Variants in ERCC6L2 observed in about 807,000 individuals in gnomAD.
ERCC6L2 encodes the protein ERCC excision repair 6 like 2.
Under a neutral mutation model 132.0 loss-of-function variants are expected in ERCC6L2, and 77 were observed. That is an observed-to-expected ratio of 0.58 (90% confidence interval 0.49 to 0.71). The LOEUF is 0.71. Among genes scored for constraint, ERCC6L2 ranks in the 30% least tolerant of loss-of-function variants. ERCC6L2 has a pLI of 0.00. For synonymous variants in ERCC6L2, 583 were observed against 632.4 expected (o/e 0.92, Z 1.17); for missense variants, 1,542 against 1,837.6 (o/e 0.84, Z 2.94).
At chr9:95,951,601 A>G (rs1367228956) in intron 12 of ERCC6L2, among the ~76,000 whole-genome samples, 3 of 152,172 alleles carry the variant, frequency 2.0e-5, no homozygotes. Flanking sequence ...ATTAACATCA[A>G]AAATGAAAGG....
At position 96,015,954 on chromosome 9, in the gene ERCC6L2, G is replaced by A. The variant is rs1446661466; in HGVS notation, c.*2751G>A. Among the ~76,000 whole-genome samples, 1 of 152,170 alleles carries A rather than the reference G, an allele frequency of 6.6e-6. No homozygotes were observed. The highest frequency in any genetic ancestry group is 1.9e-4 in the East Asian group (1 of 5,188). On this transcript the variant is annotated 3_prime_UTR_variant, in exon 19 of 19. Transcript: ENST00000653738. ...TGGAATGCAGAGTCCAGTATGAAAA[G>A]GAGCCTGTTTCAGAACGGAAACTGT...
At chr9:95,965,267 G>A (rs978091006) in intron 13 of ERCC6L2, among the ~76,000 whole-genome samples, 3 of 152,084 alleles carry the variant, frequency 2.0e-5, no homozygotes, top group African/African-American at 7.2e-5. Context: ...GCAGCTGTGA[G>A]CAAGTCACTT....
chr9:96,011,271 G>A (rs1834018731), intron 18 of ERCC6L2, among the ~76,000 whole-genome samples: 1 of 152,222 alleles, frequency 6.6e-6, no homozygotes, highest in Non-Finnish European at 1.5e-5. Flanking sequence ...ATGGCAGAGA[G>A]GAAGAGACAG....
downstream of ERCC6L2, among the ~76,000 whole-genome samples, chr9:96,018,851 T>G (rs1459504523): frequency 6.6e-6 from 1 of 152,250 alleles, no homozygotes; most frequent in Non-Finnish European, 1.5e-5. Flanking sequence ...ATGATACCTT[T>G]CTGCCATGGA....
chr9:95,954,862 G>C (rs772993986), intron 12 of ERCC6L2: 1 of 471,158 alleles, frequency 2.1e-6, no homozygotes. Flanking sequence ...TCCTGCTGGA[G>C]ATGTGAGATT....
chr9:95,928,173 C>G (rs1830181130), intron 10 of ERCC6L2, 23 bp downstream of exon 10: 2 of 1,541,626 alleles, frequency 1.3e-6, no homozygotes, highest in Non-Finnish European at 9.0e-7. Flanking sequence ...AAAGTATATC[C>G]TTGATTGGCC....
intron 18 of ERCC6L2, among the ~76,000 whole-genome samples, chr9:96,011,738 A>G (rs192304286): frequency 4.6e-5 from 7 of 152,308 alleles, no homozygotes; most frequent in Non-Finnish European, 8.8e-5. Flanking sequence ...TGCGATTTCT[A>G]TGTTGTATTT....
intron 2 of ERCC6L2, among the ~76,000 whole-genome samples, chr9:95,882,258 A>G (rs1340690188): frequency 6.6e-6 from 1 of 152,204 alleles, no homozygotes; most frequent in Admixed American, 6.5e-5. Flanking sequence ...CACTTTTGTC[A>G]CATTCTTCTC....
At chr9:95,884,824 T>C (rs1827779413) in intron 2 of ERCC6L2, among the ~76,000 whole-genome samples, 2 of 152,174 alleles carry the variant, frequency 1.3e-5, no homozygotes, top group Non-Finnish European at 2.9e-5. Flanking sequence ...TTAAGAAATA[T>C]GGCTTCGAAA....
chr9:95,925,039 A>G (rs914450257), intron 9 of ERCC6L2, among the ~76,000 whole-genome samples: 2 of 152,188 alleles, frequency 1.3e-5, no homozygotes, highest in African/African-American at 4.8e-5. Flanking sequence ...TAAGAACTCT[A>G]AGAATTGAGT....
intron 4 of ERCC6L2, among the ~76,000 whole-genome samples, chr9:95,910,658 G>A (rs1328862339): frequency 6.6e-6 from 1 of 151,992 alleles, no homozygotes; most frequent in East Asian, 1.9e-4. Context: ...CCTCTTATTT[G>A]GGTATTTAGA....
intron 17 of ERCC6L2, among the ~76,000 whole-genome samples, chr9:95,993,945 G>T (rs1277178803): frequency 6.6e-6 from 1 of 152,140 alleles, no homozygotes; most frequent in African/African-American, 2.4e-5. Context: ...ATTTGTGGTG[G>T]ATCCTCTGAC....
intron 2 of ERCC6L2, among the ~76,000 whole-genome samples, chr9:95,882,836 G>C (rs1458711341): frequency 1.3e-5 from 2 of 152,148 alleles, no homozygotes; most frequent in Non-Finnish European, 1.5e-5. Context: ...CTAAATGATT[G>C]TTTGTGGAAT....
At chr9:96,027,660 T>G (rs923283677) in intron 19 of ERCC6L2, 1 of 152,404 alleles carries the variant, frequency 6.6e-6, no homozygotes, top group South Asian at 2.0e-4. Context: ...CCACTCCACA[T>G]GCACCTTCTC....
intron 9 of ERCC6L2, among the ~76,000 whole-genome samples, chr9:95,925,819 G>A (rs1286663698): frequency 1.3e-5 from 2 of 149,674 alleles, no homozygotes; most frequent in African/African-American, 5.0e-5. Context: ...ACCACAGACT[G>A]GGAGAAAATA....
intron 17 of ERCC6L2, among the ~76,000 whole-genome samples, chr9:95,983,644 A>G (rs1037941774): frequency 3.3e-5 from 5 of 152,190 alleles, no homozygotes; most frequent in Non-Finnish European, 5.9e-5. Flanking sequence ...CCCTAATGGA[A>G]ACACCTATTG....
At chr9:95,961,282 T>C (rs1475522600) in intron 13 of ERCC6L2, among the ~76,000 whole-genome samples, 3 of 151,994 alleles carry the variant, frequency 2.0e-5, no homozygotes. Context: ...GAAATTTGGA[T>C]ACAGACAGCC....
chr9:95,983,561 T>TA (rs989423917), intron 17 of ERCC6L2, among the ~76,000 whole-genome samples: 16 of 152,222 alleles, frequency 1.1e-4, no homozygotes, highest in African/African-American at 3.6e-4. Context: ...TAAAGAATGT[T>TA]ACGCACTTAA....
At chr9:95,916,764 C>T (rs915389654) in intron 6 of ERCC6L2, among the ~76,000 whole-genome samples, 2 of 150,890 alleles carry the variant, frequency 1.3e-5, no homozygotes, top group Non-Finnish European at 1.5e-5. Context: ...CTCACTGCAA[C>T]CTCCGCCTCC....
Sources: allele counts gnomAD v4.1 joint callset (sites outside exome capture counted in the v4.1 genomes callset), GRCh38; gene constraint gnomAD v4.1.1; transcripts MANE v1.5; gene names NCBI Gene and HGNC (gene_info 2026-07-23, HGNC 2026-07-21).